Variants in PKD1L1 observed in about 807,000 individuals in gnomAD.
PKD1L1 encodes the protein polycystin-1-like protein 1.
PKD1L1 carries 236 observed loss-of-function variants against 323.4 expected under a neutral mutation model. The observed-to-expected ratio is 0.73, with a 90% confidence interval of 0.66 to 0.81. The LOEUF (loss-of-function observed/expected upper bound fraction) is 0.81, where lower values mean the gene tolerates loss of function less well. PKD1L1 is among the 40% of genes least tolerant of loss of function. PKD1L1 has a pLI of 0.00. For missense variants in PKD1L1, 3,320 were observed against 3,508.0 expected (o/e 0.95, Z 1.35); for synonymous variants, 1,344 against 1,335.0 (o/e 1.01, Z -0.15).
At chr7:47,941,985 C>T (rs1013647124) in intron 2 of PKD1L1, among the ~76,000 whole-genome samples, 1 of 152,122 alleles carries the variant, frequency 6.6e-6, no homozygotes, top group Non-Finnish European at 1.5e-5. Context: ...TTTGAATAAA[C>T]ATGGAAACTG....
chr7:47,841,300 G>T (rs1785559656), intron 34 of PKD1L1, among the ~76,000 whole-genome samples: 1 of 152,142 alleles, frequency 6.6e-6, no homozygotes, highest in Non-Finnish European at 1.5e-5. Flanking sequence ...CCTGTGGTTT[G>T]TAAGACCTCT....
Position 47,821,059 on chromosome 7 carries a change from T to A in PKD1L1, c.6965+17A>T. Reference sequence around the variant, plus strand: ...TGCAATGGCCCCAGATCTGGAAGAGTTACCCAAACCTCCTACCTTGTAAAT... The same window carrying A: ...TGCAATGGCCCCAGATCTGGAAGAGATACCCAAACCTCCTACCTTGTAAAT... On this transcript the variant is annotated intron_variant, in intron 46 of 56. Transcript: ENST00000289672. The A allele has an allele frequency of 6.6e-7, 1 of 1,504,934 alleles. No homozygotes were observed. The highest frequency in any genetic ancestry group is 1.7e-5 in the Admixed American group (1 of 59,828). The allele number at this position is 1,504,934 out of a possible 1,614,324, so 93.2% of individuals were successfully genotyped here. A position where few individuals can be genotyped will look rare whatever the true frequency, so the allele number is the denominator to read the frequency against.
In PKD1L1 at chr7:47,831,302, G is replaced by A; in HGVS notation, c.6388C>T (p.Gln2130Ter). 2 of 1,614,178 alleles carry A rather than the reference G, an allele frequency of 1.2e-6. No individual in the cohort carries two copies. Among genetic ancestry groups the A allele is most frequent in the Non-Finnish European group, 1.7e-6 (2 of 1,180,022 alleles). The change falls in exon 42 of 57, where the codon CAG (glutamine) becomes TAG (stop). Residue 2130 changes from glutamine to a stop codon, truncating the protein, a stop_gained. Coordinates refer to ENST00000289672, the MANE Select transcript of PKD1L1 (RefSeq NM_138295.5). LOFTEE classifies it high-confidence loss of function. Reference sequence around the variant, plus strand: ...CACACTGCAGAGCTCCACCAAGGCTGAAGGGCCCTTGACCACTGGGGCATT... The same window carrying A: ...CACACTGCAGAGCTCCACCAAGGCTAAAGGGCCCTTGACCACTGGGGCATT... ...GLMPQWSRAL[Q>*]PWWSSAVWAI...
the PKD1L1 span, among the ~76,000 whole-genome samples, chr7:47,960,595 A>G: frequency 1.3e-5 from 2 of 151,376 alleles, no homozygotes; most frequent in African/African-American, 4.8e-5. Context: ...GCCTTTAACT[A>G]GAGTGTGTGA....
intron 26 of PKD1L1, 82 bp from the exon 27 acceptor site, chr7:47,858,967 C>T: frequency 6.6e-7 from 1 of 1,504,924 alleles, no homozygotes; most frequent in South Asian, 1.2e-5. Context: ...GAGAACCGCA[C>T]TCATAAAGCT....
At chr7:47,922,369 G>A (rs897147279) in intron 7 of PKD1L1, among the ~76,000 whole-genome samples, 10 of 152,134 alleles carry the variant, frequency 6.6e-5, no homozygotes, top group South Asian at 2.1e-4. Context: ...CTGCCTGGCC[G>A]CCCATCGTCT....
At chr7:47,782,149 T>G (rs972968731) in intron 56 of PKD1L1, among the ~76,000 whole-genome samples, 32 of 152,292 alleles carry the variant, frequency 2.1e-4, no homozygotes, top group African/African-American at 7.5e-4. Context: ...TGACCCACCA[T>G]CCAATAAACC....
the PKD1L1 span, among the ~76,000 whole-genome samples, chr7:47,958,686 A>G: frequency 6.6e-6 from 1 of 152,278 alleles, no homozygotes; most frequent in African/African-American, 2.4e-5. Context: ...ATATTTGCAA[A>G]GTATACATCC....
intron 45 of PKD1L1, among the ~76,000 whole-genome samples, chr7:47,825,121 TCA>T (rs969132859): frequency 3.9e-5 from 6 of 152,340 alleles, no homozygotes; most frequent in African/African-American, 1.2e-4. Context: ...TTTTGGATTT[TCA>T]CAGTTTAATT....
At chr7:47,806,389 G>A (rs917933263) in intron 52 of PKD1L1, among the ~76,000 whole-genome samples, 1 of 152,168 alleles carries the variant, frequency 6.6e-6, no homozygotes, top group African/African-American at 2.4e-5. Context: ...CAGGCATGTC[G>A]GCATTGTAGC....
At chr7:47,951,329 C>G (rs1387515840), upstream of PKD1L1, among the ~76,000 whole-genome samples, 1 of 152,198 alleles carries the variant, frequency 6.6e-6, no homozygotes, top group East Asian at 1.9e-4. Flanking sequence ...CCTGGGAGGT[C>G]TTTCCCTTTG....
chr7:47,940,455 G>A (rs566175101), intron 2 of PKD1L1, 138 bp from the exon 3 acceptor site: 27 of 760,064 alleles, frequency 3.6e-5, no homozygotes, highest in Admixed American at 8.5e-5. Flanking sequence ...ATGAAGATGC[G>A]TGTCCTTGGG....
At chr7:47,915,725 T>A (rs922304458) in intron 7 of PKD1L1, 126 bp from the exon 8 acceptor site, 2 of 564,992 alleles carry the variant, frequency 3.5e-6, no homozygotes, top group South Asian at 5.4e-5. Flanking sequence ...CCCAACCAAT[T>A]AAGGAAGGAA....
chr7:47,845,494 T>C (rs111969164), intron 32 of PKD1L1, among the ~76,000 whole-genome samples: 281 of 152,356 alleles, frequency 1.8e-3, no homozygotes, highest in African/African-American at 6.4e-3. Context: ...ACCCTGACAA[T>C]CACTGTAAAC....
intron 24 of PKD1L1, among the ~76,000 whole-genome samples, chr7:47,871,674 A>G (rs781671331): frequency 6.7e-6 from 1 of 149,290 alleles, no homozygotes; most frequent in African/African-American, 2.5e-5. Context: ...CAAAAAACAT[A>G]TAATTGTCTC....
At chr7:47,857,269 AT>A (rs1278124928) in intron 28 of PKD1L1, among the ~76,000 whole-genome samples, 1 of 152,194 alleles carries the variant, frequency 6.6e-6, no homozygotes, top group Non-Finnish European at 1.5e-5. Context: ...ATTGGCCAGA[AT>A]GCTTGCATAA....
At chr7:47,867,661 T>C (rs146561540) in intron 24 of PKD1L1, among the ~76,000 whole-genome samples, 2 of 152,290 alleles carry the variant, frequency 1.3e-5, no homozygotes, top group African/African-American at 4.8e-5. Flanking sequence ...ACAGCTATTA[T>C]AAACATGATT....
At chr7:47,811,416 A>G (rs1197736887) in intron 50 of PKD1L1, among the ~76,000 whole-genome samples, 1 of 152,052 alleles carries the variant, frequency 6.6e-6, no homozygotes, top group Non-Finnish European at 1.5e-5. Flanking sequence ...CGGCCTCCCA[A>G]AGTGCTGAGA....
At chr7:47,781,948 C>A (rs1230126637) in intron 56 of PKD1L1, among the ~76,000 whole-genome samples, 1 of 152,158 alleles carries the variant, frequency 6.6e-6, no homozygotes. Context: ...ATTGCTTCAG[C>A]ACCTTTGTCA....
Sources: allele counts gnomAD v4.1 joint callset (sites outside exome capture counted in the v4.1 genomes callset), GRCh38; gene constraint gnomAD v4.1.1; transcripts MANE v1.5; gene names NCBI Gene and HGNC (gene_info 2026-07-23, HGNC 2026-07-21).